Variants in CEP290 observed in about 807,000 individuals in gnomAD.
The protein encoded by CEP290 is centrosomal protein of 290 kDa.
CEP290 carries 317 observed loss-of-function variants against 344.9 expected under a neutral mutation model. The observed-to-expected ratio is 0.92, with a 90% CI of 0.84 to 1.01. The LOEUF is 1.01. CEP290 is among the 50% of genes least tolerant of loss of function. The pLI is 0.00. For synonymous variants in CEP290, 932 were observed against 895.8 expected, an observed-to-expected ratio of 1.04 and a Z score of -0.72; for missense variants, 2,754 against 2,761.4, an observed-to-expected ratio of 1.00 and a Z score of 0.06.
Position 88,062,715 on chromosome 12 carries a change from G to C in CEP290, c.6334C>G (p.Arg2112Gly), listed in dbSNP as rs1370883149. 1 of 1,603,608 alleles carries C rather than the reference G, an allele frequency of 6.2e-7. No individual in the cohort carries two copies. The highest frequency in any genetic ancestry group is 1.7e-5 in the Admixed American group (1 of 58,764). ...ACCCCTCTAACATGGCCAAGTTTCCGCTGAACTTCTGCTTTTTCTTTCTTA... is the reference window on the plus strand; with the variant it reads ...ACCCCTCTAACATGGCCAAGTTTCCCCTGAACTTCTGCTTTTTCTTTCTTA... ...FLKKEKAEVQ[R>G]KLGHVRGSGR... Residue 2112 changes from arginine to glycine, a missense_variant, in exon 46 of 54, where the codon CGG (arginine) becomes GGG (glycine). Transcript: ENST00000552810.
At chr12:88,140,025 G>C (rs537717825) in intron 3 of CEP290, among the ~76,000 whole-genome samples, 3 of 152,166 alleles carry the variant, frequency 2.0e-5, no homozygotes, top group African/African-American at 7.2e-5. Flanking sequence ...CAAAGTGCTG[G>C]GATTACAGAC....
chr12:88,090,500 C>T (rs986733742), intron 30 of CEP290, among the ~76,000 whole-genome samples: 2 of 152,052 alleles, frequency 1.3e-5, no homozygotes, highest in Non-Finnish European at 2.9e-5. Context: ...TGTGGTGGCA[C>T]GTGCCTGTAG....
intron 26 of CEP290, among the ~76,000 whole-genome samples, chr12:88,100,586 C>G (rs2037795971): frequency 1.3e-5 from 2 of 152,126 alleles, no homozygotes. Context: ...AGGAGATACT[C>G]AACACACAGA....
chr12:88,086,718 T>TCCATCCATCCATCCATCCAC (rs2036607158), intron 32 of CEP290, among the ~76,000 whole-genome samples: 1 of 151,892 alleles, frequency 6.6e-6, no homozygotes, highest in Non-Finnish European at 1.5e-5. Flanking sequence ...CATCCATCCA[T>TCCATCCATCCATCCATCCAC]CCATCCATCC....
At chr12:88,107,761 G>C (rs546067753) in intron 23 of CEP290, among the ~76,000 whole-genome samples, 3 of 151,982 alleles carry the variant, frequency 2.0e-5, no homozygotes, top group African/African-American at 7.2e-5. Context: ...AATTAGCCAG[G>C]CGTGGTGGCA....
At chr12:88,070,864 A>G (rs2035318894) in intron 43 of CEP290, among the ~76,000 whole-genome samples, 1 of 152,118 alleles carries the variant, frequency 6.6e-6, no homozygotes, top group Non-Finnish European at 1.5e-5. Context: ...ATCGATCCTA[A>G]TCAGAATACC....
chr12:88,137,540 G>T (rs1360312842), intron 5 of CEP290, among the ~76,000 whole-genome samples: 3 of 152,064 alleles, frequency 2.0e-5, no homozygotes, highest in African/African-American at 7.2e-5. Context: ...TTATAGTTCT[G>T]TTATTCCTCT....
At position 88,114,563 on chromosome 12, in the gene CEP290, C is replaced by T; in HGVS notation, c.1910-1G>A. 6.5e-7 allele frequency: 1 copy of T among 1,535,638 alleles called. No homozygotes were observed. Among genetic ancestry groups the T allele is most frequent in the Non-Finnish European group, 8.8e-7 (1 of 1,139,858 alleles). On this transcript the variant is annotated splice_acceptor_variant, in intron 19 of 53. Transcript: ENST00000552810. LOFTEE classifies it high-confidence loss of function. Reference sequence around the variant, plus strand: ...TTATTTTCTTCAACTAATTCTTTTACTGTAATTACACAGTTTTCTCATTGG... The same window carrying T: ...TTATTTTCTTCAACTAATTCTTTTATTGTAATTACACAGTTTTCTCATTGG...
intron 26 of CEP290, among the ~76,000 whole-genome samples, chr12:88,097,423 GAAAA>G (rs2137433435): frequency 6.6e-6 from 1 of 152,096 alleles, no homozygotes; most frequent in South Asian, 2.1e-4. Context: ...ACCATGTGAA[GAAAA>G]ATGTGTTTGC....
Position 88,053,632 on chromosome 12 carries a change from T to G in CEP290, c.7129+20A>C. ...TTCAAAAACTTGGGGGTAGCTAACA[T>G]GTTTTTTAAAATACATTACCAGGTA... On this transcript the variant is annotated intron_variant, in intron 52 of 53. Transcript: ENST00000552810. 1.5e-6 allele frequency: 2 copies of G among 1,308,616 alleles called. No individual in the cohort carries two copies. The highest frequency in any genetic ancestry group is 2.1e-6 in the Non-Finnish European group (2 of 936,178). The allele number at this position is 1,308,616 out of a possible 1,614,324, so 81.1% of individuals were successfully genotyped here.
In CEP290 at chr12:88,104,825, G is replaced by A. The variant is rs539902735; in HGVS notation, c.2818-1814C>T. Reference sequence around the variant, plus strand: ...TTTTTCAAATTATTGTATGTATATTGTAGGATAAAACAAATATTTTAATGT... The same window carrying A: ...TTTTTCAAATTATTGTATGTATATTATAGGATAAAACAAATATTTTAATGT... On this transcript the variant is annotated intron_variant, in intron 25 of 53. Coordinates refer to ENST00000552810, the MANE Select transcript of CEP290 (RefSeq NM_025114.4). Among the ~76,000 whole-genome samples, 3 of 152,048 alleles carry A rather than the reference G, an allele frequency of 2.0e-5. No individual in the cohort carries two copies. The South Asian group carries it at 6.2e-4, about 32-fold the overall frequency.
chr12:88,141,371 T>C, intron 1 of CEP290, 37 bp from the exon 2 acceptor site: 1 of 1,044,046 alleles, frequency 9.6e-7, no homozygotes, highest in Non-Finnish European at 1.4e-6. Flanking sequence ...ATTTTCAAGG[T>C]ACACAGTATT....
intron 6 of CEP290, 123 bp downstream of exon 6, chr12:88,136,520 G>T: frequency 1.1e-6 from 1 of 938,112 alleles, no homozygotes; most frequent in South Asian, 1.5e-5. Context: ...TAAAACCTTA[G>T]AGATAAGTGT....
intron 20 of CEP290, among the ~76,000 whole-genome samples, chr12:88,113,188 T>C (rs1442377056): frequency 6.6e-6 from 1 of 152,120 alleles, no homozygotes; most frequent in East Asian, 1.9e-4. Flanking sequence ...AAATAGAAGT[T>C]AGGATTTCTT....
Position 88,077,926 on chromosome 12 carries a change from G to T in CEP290, c.5365-8C>A. 1 of 1,194,406 alleles carries T rather than the reference G, an allele frequency of 8.4e-7. No individual in the cohort carries two copies. Among genetic ancestry groups the T allele is most frequent in the South Asian group, 1.5e-5 (1 of 67,022 alleles). 74.0% of individuals were successfully genotyped at this position (1,194,406 alleles called of 1,614,324 possible). ...TAAATCTTCAACTTGTGTCTAATAA[G>T]AGAAAAAGAAAGGTATTATTCATGA... On this transcript the variant is annotated splice_polypyrimidine_tract_variant and splice_region_variant and intron_variant, in intron 39 of 53. Coordinates refer to ENST00000552810, the MANE Select transcript of CEP290 (RefSeq NM_025114.4).
intron 6 of CEP290, 113 bp downstream of exon 6, chr12:88,136,530 T>C (rs2040361608): frequency 1.9e-6 from 2 of 1,036,182 alleles, no homozygotes. Context: ...GAGATAAGTG[T>C]ACATCATTTT....
At chr12:88,073,496 CATA>C (rs2035533815) in intron 41 of CEP290, among the ~76,000 whole-genome samples, 2 of 152,234 alleles carry the variant, frequency 1.3e-5, no homozygotes, top group Middle Eastern at 3.4e-3. Context: ...TTAGGACATT[CATA>C]ATGACATTTT....
In CEP290 at chr12:88,058,943, T is replaced by C. The variant is rs1212222402; in HGVS notation, c.6723A>G (p.Leu2241=). Residue 2241 remains leucine, a synonymous_variant, in exon 49 of 54, where the codon CTA becomes CTG. Transcript: ENST00000552810. ...ACTGCAATCTCTTACCAGTCTCTTC[T>C]AGTTGAACTGTCATCTTCTCATTTA... ...EILNEKMTVQ[L]EETGKRLQFA... is the part of the protein sequence containing the mutation. The C allele has an allele frequency of 1.2e-6, 2 of 1,613,714 alleles. No homozygotes were observed. Among genetic ancestry groups the C allele is most frequent in the Non-Finnish European group, 1.7e-6 (2 of 1,179,774 alleles).
At position 88,053,734 on chromosome 12, in the gene CEP290, A is replaced by T; in HGVS notation, c.7047T>A (p.His2349Gln). 1 of 1,520,280 alleles carries T rather than the reference A, an allele frequency of 6.6e-7. No individual in the cohort carries two copies. The allele number at this position is 1,520,280 out of a possible 1,614,324, so 94.2% of individuals were successfully genotyped here. Residue 2349 changes from histidine to glutamine, a missense_variant, in exon 52 of 54, where the codon CAT becomes CAA. Physicochemically the swap from His to Gln is conservative, Grantham distance 24. Coordinates refer to ENST00000552810, the MANE Select transcript of CEP290 (RefSeq NM_025114.4). ...RELQVLRLAN[H>Q]QLDKEKAELI... ...ATTCTGCTTTCTCTTTATCCAGCTG[A>T]TGATTAGCTAATCTAGAACACAATG...
Sources: gnomAD v4.1 joint callset for allele counts (sites outside exome capture counted in the v4.1 genomes callset) on GRCh38, gnomAD v4.1.1 for gene constraint, MANE v1.5 for transcripts, NCBI Gene and HGNC (gene_info 2026-07-23, HGNC 2026-07-21) for gene names.